The following SLC29A3 variants were observed in gnomAD, a reference collection of about 807,000 sequenced individuals.
SLC29A3 encodes the protein solute carrier family 29 member 3.
Under a neutral mutation model 25.4 loss-of-function variants are expected in SLC29A3, and 18 were observed. The observed-to-expected ratio is 0.71, with a 90% CI of 0.49 to 1.05. The LOEUF (loss-of-function observed/expected upper bound fraction) is 1.05, where lower values mean the gene tolerates loss of function less well. SLC29A3 is among the 50% of genes least tolerant of loss of function. The probability of loss-of-function intolerance (pLI) is 0.00; values close to 1 mark genes in which losing one functional copy is unlikely to be tolerated. For synonymous variants in SLC29A3, 258 were observed against 267.1 expected, an observed-to-expected ratio of 0.97 and a Z score of 0.33; for missense variants, 586 against 609.0, an observed-to-expected ratio of 0.96 and a Z score of 0.40.
In SLC29A3 at chr10:71,340,830, G is replaced by A. The variant is rs577137556; in HGVS notation, c.301-3379G>A. 2.5e-4 allele frequency among the ~76,000 whole-genome samples: 38 copies of A among 152,298 alleles called. 1 individual carries two copies. In the South Asian group the frequency reaches 7.3e-3, roughly 29 times the overall value. On this transcript the variant is annotated intron_variant, in intron 2 of 5. Coordinates refer to ENST00000373189, the MANE Select transcript of SLC29A3 (RefSeq NM_018344.6). ...AATCAAGAGTGGAACGTAGACCTTCGCCGCTGGTTTCTTAGGAAGGCAGTG... is the reference window on the plus strand; with the variant it reads ...AATCAAGAGTGGAACGTAGACCTTCACCGCTGGTTTCTTAGGAAGGCAGTG...
chr10:71,334,585 A>G (rs1846196668), intron 2 of SLC29A3, among the ~76,000 whole-genome samples: 1 of 152,220 alleles, frequency 6.6e-6, no homozygotes. Context: ...TCCCATGTCT[A>G]CAACATCTAG....
At position 71,322,985 on chromosome 10, in the gene SLC29A3, C is replaced by G. The variant is rs780829045; in HGVS notation, c.231C>G (p.Tyr77Ter). The G allele has an allele frequency of 6.2e-7, 1 of 1,614,148 alleles. No individual in the cohort carries two copies. Among genetic ancestry groups the G allele is most frequent in the Non-Finnish European group, 8.5e-7 (1 of 1,180,044 alleles). Reference protein sequence around the residue: ...PWNFFITAKEYWMFKLRNSSS... With the variant: ...PWNFFITAKE ...ACTTCTTTATCACTGCCAAGGAGTA[C>G]TGGATGTTCAAACTCCGCAACTCCT... The change falls in exon 2 of 6, where the codon TAC (tyrosine) becomes TAG (stop). Residue 77 changes from tyrosine (Y) to a stop codon, truncating the protein, a stop_gained. Transcript: ENST00000373189. LOFTEE classifies it high-confidence loss of function.
At chr10:71,339,219 G>A (rs1367288532) in intron 2 of SLC29A3, among the ~76,000 whole-genome samples, 1 of 152,186 alleles carries the variant, frequency 6.6e-6, no homozygotes, top group Non-Finnish European at 1.5e-5. Flanking sequence ...ATGGGCTGGG[G>A]TGTGTGCAGG....
chr10:71,362,712 G>A lies in SLC29A3; in HGVS notation c.*104G>A, dbSNP rs1746574149. The A allele has an allele frequency of 6.7e-7, 1 of 1,486,206 alleles. No individual in the cohort carries two copies. The highest frequency in any genetic ancestry group is 1.4e-5 in the African/African-American group (1 of 72,646). 92.1% of individuals were successfully genotyped at this position (1,486,206 alleles called of 1,614,324 possible). A position where few individuals can be genotyped will look rare whatever the true frequency, so the allele number is the denominator to read the frequency against. On this transcript the variant is annotated 3_prime_UTR_variant, in exon 6 of 6. Transcript: ENST00000373189. Reference sequence around the variant, plus strand: ...GGAAAGGCCTAAAGTTTCACTTGGGGACAGAGAGCAGAGCACACTCGGGCC... The same window carrying A: ...GGAAAGGCCTAAAGTTTCACTTGGGAACAGAGAGCAGAGCACACTCGGGCC...
rs1405776245 is a variant in SLC29A3, at chr10:71,363,385, A to G, written c.*777A>G. On this transcript the variant is annotated 3_prime_UTR_variant, in exon 6 of 6. Transcript: ENST00000373189. Reference sequence around the variant, plus strand: ...GGCGTAATAAATACTTGCGTATTCAATGTAAGCCTCATTGATGTCTCTGTT... The same window carrying G: ...GGCGTAATAAATACTTGCGTATTCAGTGTAAGCCTCATTGATGTCTCTGTT... The G allele has an allele frequency of 8.8e-6, 4 of 453,600 alleles. No homozygotes were observed. The highest frequency in any genetic ancestry group is 1.4e-4 in the East Asian group (2 of 14,410). 28.1% of individuals were successfully genotyped at this position (453,600 alleles called of 1,614,324 possible). A position where few individuals can be genotyped will look rare whatever the true frequency, so the allele number is the denominator to read the frequency against.
chr10:71,338,951 A>G (rs577069122), intron 2 of SLC29A3, among the ~76,000 whole-genome samples: 3 of 152,242 alleles, frequency 2.0e-5, no homozygotes, highest in South Asian at 4.1e-4. Context: ...GACCCCAGTG[A>G]TAGTGTTTGG....
At chr10:71,378,845 C>G (rs1847280608) in intron 4 of SLC29A3, among the ~76,000 whole-genome samples, 1 of 152,178 alleles carries the variant, frequency 6.6e-6, no homozygotes. Flanking sequence ...TTTCTTGTCT[C>G]ACTTCCTCAT....
At chr10:71,336,827 A>G (rs1846265796) in intron 2 of SLC29A3, among the ~76,000 whole-genome samples, 1 of 152,044 alleles carries the variant, frequency 6.6e-6, no homozygotes, top group Admixed American at 6.5e-5. Context: ...AACTTTGCTC[A>G]TCGTCCAGCA....
chr10:71,377,140 G>A (rs2091709068), intron 4 of SLC29A3, among the ~76,000 whole-genome samples: 1 of 152,158 alleles, frequency 6.6e-6, no homozygotes, highest in South Asian at 2.1e-4. Flanking sequence ...GATAGGTCCC[G>A]AAGTGCTCAG....
intron 4 of SLC29A3, among the ~76,000 whole-genome samples, chr10:71,376,750 T>C (rs1327943668): frequency 6.6e-6 from 1 of 152,204 alleles, no homozygotes; most frequent in Non-Finnish European, 1.5e-5. Flanking sequence ...AGTGGGTTTT[T>C]GTTTCTGTGT....
At chr10:71,342,821 G>T (rs1305329462) in intron 2 of SLC29A3, among the ~76,000 whole-genome samples, 1 of 152,258 alleles carries the variant, frequency 6.6e-6, no homozygotes, top group East Asian at 1.9e-4. Flanking sequence ...CAGGCTCATG[G>T]TTGACGGACC....
chr10:71,364,153 G>A (rs1240620176), downstream of SLC29A3: 1 of 152,336 alleles, frequency 6.6e-6, no homozygotes, highest in Non-Finnish European at 1.5e-5. Flanking sequence ...GGTGGAGAGG[G>A]TAGAGAGTGG....
chr10:71,339,918 A>C (rs1021082593), intron 2 of SLC29A3, among the ~76,000 whole-genome samples: 5 of 151,952 alleles, frequency 3.3e-5, no homozygotes, highest in African/African-American at 4.8e-5. Context: ...CACCTCCCCG[A>C]GGGCACGCAG....
At chr10:71,341,930 G>T (rs1173733571) in intron 2 of SLC29A3, among the ~76,000 whole-genome samples, 1 of 152,192 alleles carries the variant, frequency 6.6e-6, no homozygotes. Context: ...GCAACTTGGG[G>T]TTCCATGCCA....
chr10:71,378,676 G>A (rs958988782), intron 4 of SLC29A3, among the ~76,000 whole-genome samples: 4 of 152,236 alleles, frequency 2.6e-5, no homozygotes, highest in Non-Finnish European at 5.9e-5. Flanking sequence ...CTGGGGCCCA[G>A]TCATTGGTGT....
intron 4 of SLC29A3, 93 bp downstream of exon 4, chr10:71,351,881 A>G: frequency 1.8e-6 from 2 of 1,104,848 alleles, no homozygotes; most frequent in South Asian, 2.7e-5. Context: ...CTTTTCTGAA[A>G]AGGAAATGGC....
At chr10:71,346,375 G>A (rs1312014854) in intron 3 of SLC29A3, among the ~76,000 whole-genome samples, 1 of 152,224 alleles carries the variant, frequency 6.6e-6, no homozygotes, top group Non-Finnish European at 1.5e-5. Flanking sequence ...GGCTCATGGA[G>A]GTGACTGGCC....
At chr10:71,346,409 T>C (rs1342444825) in intron 3 of SLC29A3, among the ~76,000 whole-genome samples, 1 of 152,188 alleles carries the variant, frequency 6.6e-6, no homozygotes, top group Non-Finnish European at 1.5e-5. Context: ...CCATTAAGGA[T>C]GGAGCCAGGC....
intron 3 of SLC29A3, among the ~76,000 whole-genome samples, chr10:71,368,794 C>T (rs1847190140): frequency 6.6e-6 from 1 of 152,200 alleles, no homozygotes; most frequent in Non-Finnish European, 1.5e-5. Context: ...CTTACTACTT[C>T]CTGGCTGTGT....
Sources: gnomAD v4.1 joint callset for allele counts (sites outside exome capture counted in the v4.1 genomes callset) on GRCh38, gnomAD v4.1.1 for gene constraint, MANE v1.5 for transcripts, NCBI Gene and HGNC (gene_info 2026-07-23, HGNC 2026-07-21) for gene names.